Variants in C1orf21 observed in about 807,000 individuals in gnomAD.
C1orf21 encodes the protein uncharacterized protein C1orf21.
A neutral mutation model predicts 18.7 loss-of-function variants in C1orf21; 3 were observed. The observed-to-expected ratio is 0.16, with a 90% CI of 0.07 to 0.42. C1orf21 has a LOEUF of 0.42. Ranked by LOEUF, C1orf21 falls within the 10% of genes least tolerant of loss-of-function variation. The pLI is 0.99. For missense variants in C1orf21, 104 were observed against 143.6 expected (o/e 0.72, Z 1.41); for synonymous variants, 41 against 46.4 (o/e 0.88, Z 0.47).
At chr1:184,540,845 A>T (rs1477658034) in intron 3 of C1orf21, among the ~76,000 whole-genome samples, 4 of 152,228 alleles carry the variant, frequency 2.6e-5, no homozygotes, top group Non-Finnish European at 2.9e-5. Context: ...TGGTATTGCC[A>T]CAAATAGCGT....
chr1:184,610,909 G>C (rs1659726583), intron 5 of C1orf21, among the ~76,000 whole-genome samples: 1 of 151,892 alleles, frequency 6.6e-6, no homozygotes, highest in South Asian at 2.1e-4. Context: ...GGGGATTCGG[G>C]TATAATAAAC....
At chr1:184,422,999 C>T (rs1317263731) in intron 1 of C1orf21, among the ~76,000 whole-genome samples, 1 of 152,194 alleles carries the variant, frequency 6.6e-6, no homozygotes, top group East Asian at 1.9e-4. Flanking sequence ...CAGCCCCTAC[C>T]ATCCATTGGC....
intron 2 of C1orf21, among the ~76,000 whole-genome samples, chr1:184,495,917 CAA>C (rs764285547): frequency 2.8e-4 from 14 of 50,882 alleles, no homozygotes; most frequent in African/African-American, 2.1e-4. Flanking sequence ...GACTCTGTCT[CAA>C]AAAAAAAAAA....
At chr1:184,435,405 A>G (rs1656841804) in intron 1 of C1orf21, among the ~76,000 whole-genome samples, 1 of 152,162 alleles carries the variant, frequency 6.6e-6, no homozygotes, top group South Asian at 2.1e-4. Flanking sequence ...GTGCAGTGGC[A>G]TAGTCTCAGC....
At position 184,477,356 on chromosome 1, in the gene C1orf21, C is replaced by T. The variant is rs1035069943; in HGVS notation, c.-124-30C>T. 18 of 611,466 alleles carry T rather than the reference C, an allele frequency of 2.9e-5. No individual in the cohort carries two copies. In the Admixed American group the frequency reaches 4.2e-4, roughly 14 times the overall value. The allele number at this position is 611,466 out of a possible 1,614,324, so 37.9% of individuals were successfully genotyped here. On this transcript the variant is annotated intron_variant, in intron 1 of 5. Transcript: ENST00000235307. ...GCTTGTGTTTTGCTGCAGTCACTGCCCATTCTAATCTAGCTTTCTTTTCTT... is the reference window on the plus strand; with the variant it reads ...GCTTGTGTTTTGCTGCAGTCACTGCTCATTCTAATCTAGCTTTCTTTTCTT...
intron 1 of C1orf21, among the ~76,000 whole-genome samples, chr1:184,435,386 C>T (rs767070134): frequency 3.9e-5 from 6 of 152,164 alleles, no homozygotes; most frequent in African/African-American, 7.2e-5. Context: ...CTCTGTCGCC[C>T]AGCCTGGAGT....
At chr1:184,607,686 T>C (rs1183797581) in intron 5 of C1orf21, among the ~76,000 whole-genome samples, 1 of 148,854 alleles carries the variant, frequency 6.7e-6, no homozygotes, top group Non-Finnish European at 1.5e-5. Flanking sequence ...TATATACATA[T>C]ATGTGTGTGT....
At chr1:184,562,030 G>A (rs140352630) in intron 3 of C1orf21, among the ~76,000 whole-genome samples, 1 of 151,616 alleles carries the variant, frequency 6.6e-6, no homozygotes, top group African/African-American at 2.4e-5. Flanking sequence ...TTTAGCCCGT[G>A]TACCAGAATA....
intron 1 of C1orf21, among the ~76,000 whole-genome samples, chr1:184,422,048 A>G (rs1345921283): frequency 2.6e-5 from 4 of 152,198 alleles, no homozygotes; most frequent in Non-Finnish European, 5.9e-5. Flanking sequence ...TATCAACTGA[A>G]TACGTGGGGA....
chr1:184,421,401 A>T (rs1656545747), intron 1 of C1orf21, among the ~76,000 whole-genome samples: 1 of 152,190 alleles, frequency 6.6e-6, no homozygotes, highest in Non-Finnish European at 1.5e-5. Flanking sequence ...CTCAGCTTTG[A>T]ATGTGTATTC....
At chr1:184,509,441 A>C (rs951393015) in intron 3 of C1orf21, among the ~76,000 whole-genome samples, 33 of 152,318 alleles carry the variant, frequency 2.2e-4, no homozygotes, top group African/African-American at 7.9e-4. Context: ...CCAGGATCCC[A>C]GTACACTTCA....
At chr1:184,587,409 C>T (rs1292491928) in intron 3 of C1orf21, among the ~76,000 whole-genome samples, 1 of 151,340 alleles carries the variant, frequency 6.6e-6, no homozygotes, top group Non-Finnish European at 1.5e-5. Context: ...TTGATTCTTT[C>T]TATCCATAAA....
intron 2 of C1orf21, among the ~76,000 whole-genome samples, chr1:184,497,001 G>A (rs527252592): frequency 1.1e-4 from 17 of 152,312 alleles, no homozygotes; most frequent in African/African-American, 3.4e-4. Flanking sequence ...GACCACCTCT[G>A]CATCAGCTCT....
intron 3 of C1orf21, among the ~76,000 whole-genome samples, chr1:184,576,623 C>G (rs1000233989): frequency 2.6e-5 from 4 of 152,242 alleles, no homozygotes; most frequent in African/African-American, 9.6e-5. Flanking sequence ...CAGCTTCAGG[C>G]CCACCCTTGT....
intron 2 of C1orf21, among the ~76,000 whole-genome samples, chr1:184,499,855 A>G (rs1269428158): frequency 6.6e-6 from 1 of 152,166 alleles, no homozygotes; most frequent in African/African-American, 2.4e-5. Flanking sequence ...AGGGGAGAGG[A>G]TAGCTGACTA....
At chr1:184,469,623 G>T (rs1657463421) in intron 1 of C1orf21, among the ~76,000 whole-genome samples, 1 of 152,220 alleles carries the variant, frequency 6.6e-6, no homozygotes, top group Admixed American at 6.5e-5. Context: ...AGTTTATGGT[G>T]TTAGGGAGGA....
At chr1:184,390,574 C>T (rs1225536038) in intron 1 of C1orf21, among the ~76,000 whole-genome samples, 1 of 152,158 alleles carries the variant, frequency 6.6e-6, no homozygotes, top group African/African-American at 2.4e-5. Context: ...TGAAAATATA[C>T]ATCTCCTAAA....
At chr1:184,442,323 T>C (rs1262205132) in intron 1 of C1orf21, among the ~76,000 whole-genome samples, 1 of 152,184 alleles carries the variant, frequency 6.6e-6, no homozygotes, top group Non-Finnish European at 1.5e-5. Flanking sequence ...AAGTTCTGAT[T>C]CTACTAGTAA....
At chr1:184,579,394 T>G (rs1247015378) in intron 3 of C1orf21, among the ~76,000 whole-genome samples, 5 of 126,924 alleles carry the variant, frequency 3.9e-5, no homozygotes, top group Non-Finnish European at 8.1e-5. Context: ...TTTTTTTTTT[T>G]TTTTTTTTTT....
Sources: allele counts gnomAD v4.1 joint callset (sites outside exome capture counted in the v4.1 genomes callset), GRCh38; gene constraint gnomAD v4.1.1; transcripts MANE v1.5; gene names NCBI Gene and HGNC (gene_info 2026-07-23, HGNC 2026-07-21).